DYNC1I1: variants seen among roughly 807,000 people sequenced by gnomAD.
The protein encoded by DYNC1I1 is cytoplasmic dynein 1 intermediate chain 1.
A neutral mutation model predicts 86.6 loss-of-function variants in DYNC1I1; 43 were observed. The observed-to-expected ratio is 0.50, with a 90% CI of 0.39 to 0.64. DYNC1I1 has a LOEUF of 0.64. DYNC1I1 is among the 30% of genes least tolerant of loss of function. DYNC1I1 has a pLI of 0.00. For synonymous variants in DYNC1I1, 262 were observed against 283.7 expected, an observed-to-expected ratio of 0.92 and a Z score of 0.77; for missense variants, 604 against 788.8, an observed-to-expected ratio of 0.77 and a Z score of 2.81.
rs201172693 is a variant in DYNC1I1, at chr7:95,984,512, TA to T, written c.581-295del. Among the ~76,000 whole-genome samples, 990 of 151,990 alleles carry T rather than the reference TA, an allele frequency of 6.5e-3. 7 individuals are homozygous for T. Among genetic ancestry groups the T allele is most frequent in the African/African-American group, 0.023 (938 of 41,484 alleles). ...GCCATATTTAAGCTGTTTTTCAAGT[TA>T]AAAAAAACATTTAGAACTGATTGCT... On this transcript the variant is annotated intron_variant, in intron 7 of 16. Coordinates refer to ENST00000447467, the MANE Select transcript of DYNC1I1 (RefSeq NM_001135556.2).
At chr7:96,037,677 A>G (rs1794959995) in intron 13 of DYNC1I1, among the ~76,000 whole-genome samples, 1 of 152,170 alleles carries the variant, frequency 6.6e-6, no homozygotes, top group Admixed American at 6.6e-5. Flanking sequence ...ATTTTACATG[A>G]TGAACATTCT....
At chr7:95,885,159 A>T (rs1790560935) in intron 6 of DYNC1I1, among the ~76,000 whole-genome samples, 1 of 151,840 alleles carries the variant, frequency 6.6e-6, no homozygotes, top group African/African-American at 2.4e-5. Flanking sequence ...TCTTATTGTG[A>T]GATGTTTCTT....
At chr7:95,937,727 T>A (rs1792085551) in intron 6 of DYNC1I1, among the ~76,000 whole-genome samples, 1 of 151,960 alleles carries the variant, frequency 6.6e-6, no homozygotes, top group Non-Finnish European at 1.5e-5. Context: ...TCCAAAAATA[T>A]TAAAACAAAA....
At chr7:96,061,810 CT>C (rs1382852601) in intron 14 of DYNC1I1, among the ~76,000 whole-genome samples, 7 of 151,910 alleles carry the variant, frequency 4.6e-5, no homozygotes, top group Non-Finnish European at 8.8e-5. Flanking sequence ...AGCTAATGAC[CT>C]TTCTCAGAAT....
chr7:95,884,252 T>A (rs998512564), intron 6 of DYNC1I1, among the ~76,000 whole-genome samples: 24 of 151,994 alleles, frequency 1.6e-4, no homozygotes, highest in African/African-American at 5.6e-4. Context: ...CAGAAGGGAG[T>A]AAGCTCCAGG....
At chr7:96,074,594 G>A (rs878957690) in intron 14 of DYNC1I1, among the ~76,000 whole-genome samples, 2 of 151,466 alleles carry the variant, frequency 1.3e-5, no homozygotes, top group Admixed American at 6.6e-5. Flanking sequence ...GTTCTAAGCG[G>A]TGATTTTTAA....
At chr7:95,983,511 G>T (rs1052020958) in intron 7 of DYNC1I1, among the ~76,000 whole-genome samples, 26 of 152,100 alleles carry the variant, frequency 1.7e-4, no homozygotes, top group Admixed American at 1.6e-3. Context: ...ATGGTCTGGG[G>T]CAGGGAAGGG....
chr7:95,970,761 G>A (rs1171531612), intron 6 of DYNC1I1, among the ~76,000 whole-genome samples: 1 of 152,146 alleles, frequency 6.6e-6, no homozygotes, highest in Non-Finnish European at 1.5e-5. Context: ...AGGTCTTTGA[G>A]GGACATTTAC....
At chr7:95,831,728 A>G (rs1012210821) in intron 5 of DYNC1I1, among the ~76,000 whole-genome samples, 4 of 152,076 alleles carry the variant, frequency 2.6e-5, no homozygotes, top group African/African-American at 7.2e-5. Flanking sequence ...TTTGATTTGC[A>G]TGTCTCTGAT....
At chr7:96,005,674 C>T (rs1166873014) in intron 10 of DYNC1I1, among the ~76,000 whole-genome samples, 1 of 152,094 alleles carries the variant, frequency 6.6e-6, no homozygotes, top group Non-Finnish European at 1.5e-5. Flanking sequence ...TGTATATTAT[C>T]GTGTATCCTA....
intron 14 of DYNC1I1, among the ~76,000 whole-genome samples, chr7:96,073,658 C>A (rs191535877): frequency 6.6e-6 from 1 of 152,134 alleles, no homozygotes; most frequent in Non-Finnish European, 1.5e-5. Context: ...GATGAGGATC[C>A]TGACAATTGA....
intron 6 of DYNC1I1, among the ~76,000 whole-genome samples, chr7:95,973,726 G>A (rs1469158390): frequency 6.6e-6 from 1 of 151,948 alleles, no homozygotes; most frequent in Non-Finnish European, 1.5e-5. Context: ...TTTTGGTCAT[G>A]GTGTTTCTTT....
chr7:96,060,063 C>G (rs984717870), intron 14 of DYNC1I1, among the ~76,000 whole-genome samples: 2 of 152,134 alleles, frequency 1.3e-5, no homozygotes, highest in Non-Finnish European at 2.9e-5. Context: ...AAACAATAAC[C>G]ATTTAAGTGA....
At chr7:95,987,539 C>T (rs1279482730) in intron 9 of DYNC1I1, among the ~76,000 whole-genome samples, 1 of 152,164 alleles carries the variant, frequency 6.6e-6, no homozygotes, top group Non-Finnish European at 1.5e-5. Flanking sequence ...TCTCACTACT[C>T]CTCTCTACTG....
At chr7:95,922,012 T>A (rs1791623012) in intron 6 of DYNC1I1, among the ~76,000 whole-genome samples, 1 of 152,174 alleles carries the variant, frequency 6.6e-6, no homozygotes, top group Non-Finnish European at 1.5e-5. Flanking sequence ...AATTTTCCCA[T>A]GTTTAATCAT....
In DYNC1I1 at chr7:95,984,960, G is replaced by A. The variant is rs139485962; in HGVS notation, c.726G>A (p.Glu242=). 6.7e-4 allele frequency: 1,079 copies of A among 1,613,066 alleles called. 4 individuals carry two copies. The African/African-American group carries it at 0.013, about 19-fold the overall frequency. The part of the protein sequence containing the change: ...SDIFFDYSGR[E]LEEKDGDVQA... Reference sequence around the variant, plus strand: ...TCTTTTTTGACTACAGCGGCCGAGAGTTAGAGGAAAAAGATGGGTTAGTCT... The same window carrying A: ...TCTTTTTTGACTACAGCGGCCGAGAATTAGAGGAAAAAGATGGGTTAGTCT... Residue 242 remains glutamate, a synonymous_variant, in exon 8 of 17, where the codon GAG becomes GAA. Coordinates refer to ENST00000447467, the MANE Select transcript of DYNC1I1 (RefSeq NM_001135556.2).
At chr7:96,031,373 A>G (rs961210152) in intron 11 of DYNC1I1, among the ~76,000 whole-genome samples, 16 of 152,208 alleles carry the variant, frequency 1.1e-4, no homozygotes, top group Admixed American at 5.9e-4. Flanking sequence ...ACAACTATCT[A>G]TAAATATTCA....
At chr7:95,927,388 C>T (rs548636960) in intron 6 of DYNC1I1, among the ~76,000 whole-genome samples, 138 of 152,026 alleles carry the variant, frequency 9.1e-4, no homozygotes, top group Middle Eastern at 3.4e-3. Context: ...GCTACGGGAG[C>T]GTCACAAGGG....
At chr7:95,789,305 A>G (rs771951748) in intron 1 of DYNC1I1, among the ~76,000 whole-genome samples, 1 of 152,218 alleles carries the variant, frequency 6.6e-6, no homozygotes, top group Non-Finnish European at 1.5e-5. Context: ...ATCCAAATCC[A>G]AGAGCGGCAT....
Sources: gnomAD v4.1 joint callset for allele counts (sites outside exome capture counted in the v4.1 genomes callset) on GRCh38, gnomAD v4.1.1 for gene constraint, MANE v1.5 for transcripts, NCBI Gene and HGNC (gene_info 2026-07-23, HGNC 2026-07-21) for gene names.